Variants in JAZF1 observed in about 807,000 individuals in gnomAD.
JAZF1 encodes JAZF zinc finger 1, also known as juxtaposed with another zinc finger protein 1.
In JAZF1, 8 loss-of-function variants were observed where a neutral mutation model predicts 26.4. That is an observed-to-expected ratio of 0.30 (90% confidence interval 0.18 to 0.55). The LOEUF is 0.55. Among genes scored for constraint, JAZF1 ranks in the 20% least tolerant of loss-of-function variants. The pLI, the probability that JAZF1 is intolerant of heterozygous loss-of-function variation, is 0.94. For missense variants in JAZF1, 199 were observed against 322.0 expected (o/e 0.62, Z 2.92); for synonymous variants, 126 against 122.3 (o/e 1.03, Z -0.20).
chr7:27,907,006 CG>C (rs1178174444), intron 2 of JAZF1, among the ~76,000 whole-genome samples: 3 of 152,098 alleles, frequency 2.0e-5, no homozygotes, highest in Non-Finnish European at 1.5e-5. Context: ...TGAGATGATG[CG>C]TAACTTTCCC....
intron 2 of JAZF1, among the ~76,000 whole-genome samples, chr7:27,935,093 G>A (rs961111120): frequency 1.3e-5 from 2 of 152,182 alleles, no homozygotes; most frequent in African/African-American, 4.8e-5. Flanking sequence ...ATAAGCATTT[G>A]AAAAGATGCT....
chr7:27,971,893 T>C (rs192146271), intron 2 of JAZF1, among the ~76,000 whole-genome samples: 2 of 152,278 alleles, frequency 1.3e-5, no homozygotes, highest in Admixed American at 1.3e-4. Context: ...AATAGAAAGA[T>C]TGGTAAGACA....
At chr7:28,081,342 G>A (rs905691766) in intron 1 of JAZF1, among the ~76,000 whole-genome samples, 2 of 152,160 alleles carry the variant, frequency 1.3e-5, no homozygotes, top group East Asian at 1.9e-4. Context: ...ACACCAACAT[G>A]GGGGAAGGAG....
intron 2 of JAZF1, among the ~76,000 whole-genome samples, chr7:27,958,609 C>T (rs147387010): frequency 6.1e-4 from 93 of 152,308 alleles, no homozygotes; most frequent in Non-Finnish European, 1.2e-3. Context: ...CTACATGGCT[C>T]CAAGCCCAAA....
chr7:27,972,590 A>G (rs891121283), intron 2 of JAZF1, among the ~76,000 whole-genome samples: 4 of 152,218 alleles, frequency 2.6e-5, no homozygotes, highest in Non-Finnish European at 2.9e-5. Context: ...ATAAAAACAC[A>G]AGCAAAGAAA....
At chr7:28,023,197 A>G (rs73683936) in intron 1 of JAZF1, among the ~76,000 whole-genome samples, 2,537 of 152,292 alleles carry the variant, frequency 0.017, 62 homozygotes, top group African/African-American at 0.055. Context: ...GACAGAAACG[A>G]GTCCAGCCGT....
chr7:27,854,172 A>C (rs1249394789), intron 3 of JAZF1, among the ~76,000 whole-genome samples: 2 of 152,174 alleles, frequency 1.3e-5, no homozygotes, highest in Non-Finnish European at 2.9e-5. Context: ...AGTCTGTTTT[A>C]CCAGAGACTA....
chr7:27,892,492 T>C (rs922300687), intron 3 of JAZF1, among the ~76,000 whole-genome samples: 12 of 152,210 alleles, frequency 7.9e-5, no homozygotes, highest in Non-Finnish European at 1.5e-5. Flanking sequence ...CCGTCACTAA[T>C]TGGGGCAGTC....
At chr7:27,905,724 C>T (rs10260925) in intron 2 of JAZF1, among the ~76,000 whole-genome samples, 2,407 of 152,070 alleles carry the variant, frequency 0.016, 65 homozygotes, top group African/African-American at 0.054. Flanking sequence ...TAACTACCAT[C>T]TATCATCACC....
chr7:28,165,235 A>G (rs927414786), intron 1 of JAZF1, among the ~76,000 whole-genome samples: 2 of 152,190 alleles, frequency 1.3e-5, no homozygotes, highest in Admixed American at 6.5e-5. Context: ...CCAAATAGCA[A>G]ACACTAAATA....
At chr7:27,947,070 ATCACAAAGCAATTTGTTTTTCCTC>A (rs1263953918) in intron 2 of JAZF1, among the ~76,000 whole-genome samples, 10 of 152,260 alleles carry the variant, frequency 6.6e-5, no homozygotes, top group East Asian at 1.9e-4. Flanking sequence ...TTATAGTGGA[ATCACAAAGCAATTTGTTTTTCCTC>A]TCACAAAGCA....
chr7:27,934,853 T>C (rs1784742922), intron 2 of JAZF1, among the ~76,000 whole-genome samples: 1 of 152,194 alleles, frequency 6.6e-6, no homozygotes, highest in African/African-American at 2.4e-5. Flanking sequence ...AACTAGATAA[T>C]TAGACTTCGT....
At chr7:27,866,072 T>G (rs1346555363) in intron 3 of JAZF1, among the ~76,000 whole-genome samples, 1 of 152,186 alleles carries the variant, frequency 6.6e-6, no homozygotes, top group African/African-American at 2.4e-5. Context: ...CAGGTTCAAG[T>G]CTTGCAGCAC....
chr7:28,150,541 C>CT (rs1302354980), intron 1 of JAZF1, among the ~76,000 whole-genome samples: 1 of 152,248 alleles, frequency 6.6e-6, no homozygotes, highest in African/African-American at 2.4e-5. Flanking sequence ...GACAGCGTGT[C>CT]TATGTTTTTT....
chr7:27,872,861 C>A (rs550951063), intron 3 of JAZF1, among the ~76,000 whole-genome samples: 5 of 152,018 alleles, frequency 3.3e-5, no homozygotes, highest in African/African-American at 1.2e-4. Flanking sequence ...GGAAACAGGT[C>A]TGCATAAAAA....
At chr7:28,071,528 T>C (rs1783976640) in intron 1 of JAZF1, 1 of 449,562 alleles carries the variant, frequency 2.2e-6, no homozygotes, top group South Asian at 1.7e-5. Context: ...TTTCAATAAA[T>C]ATATTAATAC....
intron 2 of JAZF1, among the ~76,000 whole-genome samples, chr7:27,962,833 G>C (rs996722104): frequency 6.6e-6 from 1 of 152,160 alleles, no homozygotes; most frequent in Non-Finnish European, 1.5e-5. Flanking sequence ...TGATATTCTA[G>C]GGAATTTGAA....
At chr7:28,168,380 CAAAAAAAA>C (rs11301939) in intron 1 of JAZF1, among the ~76,000 whole-genome samples, 6 of 71,140 alleles carry the variant, frequency 8.4e-5, no homozygotes, top group South Asian at 5.6e-4. Context: ...GACTCCGTCT[CAAAAAAAA>C]AAAAAAAAAA....
chr7:27,984,811 A>T (rs1785665678), intron 2 of JAZF1, among the ~76,000 whole-genome samples: 1 of 152,166 alleles, frequency 6.6e-6, no homozygotes, highest in Non-Finnish European at 1.5e-5. Flanking sequence ...ACTCAAAACC[A>T]CTCAACTACA....
Sources: gnomAD v4.1 joint callset for allele counts (sites outside exome capture counted in the v4.1 genomes callset) on GRCh38, gnomAD v4.1.1 for gene constraint, MANE v1.5 for transcripts, NCBI Gene and HGNC (gene_info 2026-07-23, HGNC 2026-07-21) for gene names.